GALC: variants seen among roughly 807,000 people sequenced by gnomAD.
The protein encoded by GALC is galactocerebrosidase.
In GALC, 77 loss-of-function variants were observed where a neutral mutation model predicts 91.8. That is an observed-to-expected ratio of 0.84 (90% CI 0.70 to 1.01). The LOEUF (loss-of-function observed/expected upper bound fraction) is 1.01. Ranked by LOEUF, GALC falls within the 50% of genes least tolerant of loss-of-function variation. The probability of loss-of-function intolerance (pLI) is 0.00; values close to 1 mark genes in which losing one functional copy is unlikely to be tolerated. For synonymous variants in GALC, 357 were observed against 306.7 expected, an observed-to-expected ratio of 1.16 and a Z score of -1.71; for missense variants, 882 against 855.9, an observed-to-expected ratio of 1.03 and a Z score of -0.38.
chr14:87,958,892 GA>G (rs1205267365), intron 10 of GALC, among the ~76,000 whole-genome samples: 3 of 151,288 alleles, frequency 2.0e-5, no homozygotes, highest in South Asian at 2.1e-4. Flanking sequence ...TATAAAACTA[GA>G]AAAAAAACAA....
intron 6 of GALC, among the ~76,000 whole-genome samples, chr14:87,977,717 T>C (rs568666129): frequency 6.6e-6 from 1 of 152,344 alleles, no homozygotes; most frequent in East Asian, 1.9e-4. Flanking sequence ...AAGCTCTCTC[T>C]TCACATTCCA....
intron 10 of GALC, among the ~76,000 whole-genome samples, chr14:87,958,703 A>T (rs1347402992): frequency 2.0e-5 from 3 of 152,142 alleles, no homozygotes; most frequent in Non-Finnish European, 4.4e-5. Context: ...ATGCCCTATG[A>T]CCAACTAATT....
chr14:87,992,900 G>T, intron 1 of GALC, 70 bp downstream of exon 1: 1 of 1,453,638 alleles, frequency 6.9e-7, no homozygotes, highest in Non-Finnish European at 9.0e-7. Context: ...ACGCCGCGGG[G>T]GCTTGTGGGG....
At chr14:87,992,472 A>C in intron 1 of GALC, 1 of 1,532,028 alleles carries the variant, frequency 6.5e-7, no homozygotes. Flanking sequence ...CCCTGCACTA[A>C]CAACTGCACG....
intron 1 of GALC, among the ~76,000 whole-genome samples, chr14:87,990,573 G>A (rs1887157248): frequency 1.3e-5 from 2 of 152,208 alleles, no homozygotes; most frequent in African/African-American, 4.8e-5. Flanking sequence ...AATGAACACT[G>A]TATAGGCACA....
At chr14:87,971,298 G>GTCT (rs1056487940) in intron 7 of GALC, among the ~76,000 whole-genome samples, 14 of 152,158 alleles carry the variant, frequency 9.2e-5, no homozygotes, top group African/African-American at 3.4e-4. Context: ...CACAAAAGGA[G>GTCT]TAGACCCTAC....
At chr14:87,955,132 T>C (rs1885470779) in intron 10 of GALC, 2 of 1,348,958 alleles carry the variant, frequency 1.5e-6, no homozygotes, top group Non-Finnish European at 2.1e-6. Context: ...CAGCTATCCA[T>C]TACAACAAGA....
intron 6 of GALC, chr14:87,980,547 A>G: frequency 1.1e-6 from 1 of 926,804 alleles, no homozygotes; most frequent in Non-Finnish European, 1.3e-6. Flanking sequence ...CCCCTGCCTT[A>G]GCAAAGTGGA....
chr14:87,973,186 G>T (rs777960492), intron 7 of GALC, among the ~76,000 whole-genome samples: 36 of 152,154 alleles, frequency 2.4e-4, no homozygotes, highest in Admixed American at 2.0e-3. Flanking sequence ...AAGTATAAAG[G>T]TCATAGATAA....
At chr14:87,986,639 A>G in intron 3 of GALC, 37 bp from the exon 4 acceptor site, 1 of 1,284,366 alleles carries the variant, frequency 7.8e-7, no homozygotes, top group Non-Finnish European at 1.1e-6. Flanking sequence ...GTAATGATCC[A>G]TGAATGGTAC....
At position 87,993,061 on chromosome 14, in the gene GALC, G is replaced by A. The variant is rs768936728; in HGVS notation, c.104C>T (p.Ala35Val). Residue 35 changes from alanine (A) to valine (V), a missense_variant, in exon 1 of 17, where the codon GCG (alanine) becomes GTG (valine). Coordinates refer to ENST00000261304, the MANE Select transcript of GALC (RefSeq NM_000153.4). The part of the protein sequence containing the change: ...GRAAVPLLLC[A>V]LLAPGGAYVL... ...GTACGCGCCGCCGGGCGCCAGCAGC[G>A]CACACAGCAGCAAGGGCACCGCGGC... 3.8e-6 allele frequency: 6 copies of A among 1,573,504 alleles called. No individual in the cohort carries two copies. Among genetic ancestry groups the A allele is most frequent in the Middle Eastern group, 1.9e-4 (1 of 5,352 alleles).
chr14:87,946,753 G>A (rs1367749402), intron 13 of GALC, among the ~76,000 whole-genome samples: 1 of 151,718 alleles, frequency 6.6e-6, no homozygotes, highest in Non-Finnish European at 1.5e-5. Context: ...AAAATTAATG[G>A]GTTTATCTAA....
intron 10 of GALC, among the ~76,000 whole-genome samples, chr14:87,960,009 A>G (rs1369057270): frequency 6.6e-6 from 1 of 152,208 alleles, no homozygotes; most frequent in East Asian, 1.9e-4. Flanking sequence ...TATGATGTTA[A>G]GTGAAATAAG....
chr14:87,949,330 G>A (rs191766689), intron 12 of GALC, among the ~76,000 whole-genome samples: 4 of 152,036 alleles, frequency 2.6e-5, no homozygotes, highest in South Asian at 2.1e-4. Flanking sequence ...GATAATGAGG[G>A]CCATGTGCTA....
chr14:87,954,203 T>C, intron 10 of GALC: 1 of 1,570,858 alleles, frequency 6.4e-7, no homozygotes, highest in South Asian at 1.1e-5. Flanking sequence ...GAGATCTTCC[T>C]CCGAGGCAGC....
At chr14:87,982,328 A>T (rs1886785344) in intron 5 of GALC, 85 bp from the exon 6 acceptor site, 1 of 874,564 alleles carries the variant, frequency 1.1e-6, no homozygotes, top group African/African-American at 1.6e-5. Context: ...CATTTCTCTC[A>T]TCATCTTTCA....
intron 15 of GALC, 67 bp from the exon 16 acceptor site, chr14:87,940,048 CAG>C: frequency 1.5e-6 from 2 of 1,301,136 alleles, no homozygotes; most frequent in Non-Finnish European, 2.2e-6. Flanking sequence ...TCATATAATT[CAG>C]TGGGGTTCTT....
At chr14:87,976,651 G>C (rs564737133) in intron 6 of GALC, 163 bp from the exon 7 acceptor site, 4 of 584,922 alleles carry the variant, frequency 6.8e-6, no homozygotes, top group African/African-American at 2.0e-5. Context: ...GGCTTCTCTC[G>C]TCGCCCAGGC....
chr14:87,961,095 A>G (rs1319496003), intron 10 of GALC, among the ~76,000 whole-genome samples: 1 of 152,236 alleles, frequency 6.6e-6, no homozygotes, highest in African/African-American at 2.4e-5. Flanking sequence ...TATAGAACAA[A>G]GAACACTTAT....
Sources: allele counts gnomAD v4.1 joint callset (sites outside exome capture counted in the v4.1 genomes callset), GRCh38; gene constraint gnomAD v4.1.1; transcripts MANE v1.5; gene names NCBI Gene and HGNC (gene_info 2026-07-23, HGNC 2026-07-21).